PRKG1: variants seen among roughly 807,000 people sequenced by gnomAD.
PRKG1 encodes cGMP-dependent protein kinase 1.
Under a neutral mutation model 88.1 loss-of-function variants are expected in PRKG1, and 35 were observed. The ratio of observed to expected loss-of-function variants is 0.40; its 90% confidence interval spans 0.30 to 0.53. The LOEUF (loss-of-function observed/expected upper bound fraction) is 0.53. Ranked by LOEUF, PRKG1 falls within the 20% of genes least tolerant of loss-of-function variation. The pLI, the probability that PRKG1 is intolerant of heterozygous loss-of-function variation, is 0.59. For missense variants in PRKG1, 540 were observed against 839.8 expected (o/e 0.64, Z 4.41); for synonymous variants, 303 against 292.5 (o/e 1.04, Z -0.37).
chr10:51,962,727 A>C lies in PRKG1; in HGVS notation c.762+55157A>C, dbSNP rs138655816. Among the ~76,000 whole-genome samples, 53 of 152,318 alleles carry C rather than the reference A, an allele frequency of 3.5e-4. No individual in the cohort carries two copies. The East Asian group carries it at 9.7e-3, about 28-fold the overall frequency. On this transcript the variant is annotated intron_variant, in intron 5 of 17. Transcript: ENST00000373980. ...ACTGTAAAACAAAGTGCACAGGGGA[A>C]TGTGGTCTAGGCACATGTAGCTCCT...
chr10:51,105,854 A>G (rs891772938), intron 1 of PRKG1, among the ~76,000 whole-genome samples: 1 of 152,010 alleles, frequency 6.6e-6, no homozygotes, highest in African/African-American at 2.4e-5. Context: ...TGGATATTCA[A>G]GGTTTAGTGC....
intron 1 of PRKG1, among the ~76,000 whole-genome samples, chr10:51,132,524 A>T (rs1429646360): frequency 6.6e-6 from 1 of 151,738 alleles, no homozygotes. Context: ...TTTATTATTA[A>T]AATGTAGGTT....
intron 5 of PRKG1, among the ~76,000 whole-genome samples, chr10:52,028,117 G>A (rs540196057): frequency 6.6e-6 from 1 of 151,984 alleles, no homozygotes; most frequent in East Asian, 1.9e-4. Context: ...GAAAAATGTA[G>A]CCACATAGTT....
intron 9 of PRKG1, among the ~76,000 whole-genome samples, chr10:52,179,266 G>A (rs1371046716): frequency 6.6e-6 from 1 of 151,768 alleles, no homozygotes; most frequent in African/African-American, 2.4e-5. Flanking sequence ...TTCTTCTAAG[G>A]CCAGTCTACT....
intron 2 of PRKG1, among the ~76,000 whole-genome samples, chr10:51,340,904 G>T (rs983060956): frequency 6.6e-6 from 1 of 152,124 alleles, no homozygotes; most frequent in Non-Finnish European, 1.5e-5. Context: ...AAAAACCAAA[G>T]TTCTCAGTAA....
chr10:51,105,489 G>A (rs1844810524), intron 1 of PRKG1, among the ~76,000 whole-genome samples: 1 of 152,152 alleles, frequency 6.6e-6, no homozygotes, highest in Non-Finnish European at 1.5e-5. Flanking sequence ...AGTGCACGAA[G>A]GGAGAAAAGA....
chr10:51,221,472 A>G (rs1249790028), intron 2 of PRKG1, among the ~76,000 whole-genome samples: 9 of 152,192 alleles, frequency 5.9e-5, no homozygotes. Flanking sequence ...TTATAAAAAT[A>G]GCACTATTTT....
intron 5 of PRKG1, among the ~76,000 whole-genome samples, chr10:51,967,225 G>A (rs1342611908): frequency 1.3e-5 from 2 of 152,158 alleles, no homozygotes; most frequent in Admixed American, 6.5e-5. Flanking sequence ...GGAATACTAT[G>A]CAGCCATAAA....
In PRKG1 at chr10:52,193,548, C is replaced by CAAA. The variant is rs34730000; in HGVS notation, c.1076+31597_1076+31599dup. Among the ~76,000 whole-genome samples the CAAA allele has an allele frequency of 3.9e-3, 167 of 42,804 alleles. 6 individuals carry two copies. Among genetic ancestry groups the CAAA allele is most frequent in the African/African-American group, 0.011 (151 of 13,522 alleles). The allele number at this position is 42,804 out of a possible 152,430, so 28.1% of individuals were successfully genotyped here. A position where few individuals can be genotyped will look rare whatever the true frequency, so the allele number is the denominator to read the frequency against. On this transcript the variant is annotated intron_variant, in intron 9 of 17. Transcript: ENST00000373980. ...GAACAAAAAGAGTGAGACTCTGTCT[C>CAAA]AAAAAAAAAAAAAACAAAAAAAAAA...
At chr10:51,690,764 AAAAAT>A (rs575208430) in intron 3 of PRKG1, among the ~76,000 whole-genome samples, 7 of 151,836 alleles carry the variant, frequency 4.6e-5, no homozygotes, top group Non-Finnish European at 1.0e-4. Context: ...CGTCTCTACT[AAAAAT>A]ACAAAAATTA....
chr10:51,099,122 T>G (rs1356376885), intron 1 of PRKG1, among the ~76,000 whole-genome samples: 1 of 152,138 alleles, frequency 6.6e-6, no homozygotes, highest in African/African-American at 2.4e-5. Context: ...TTCTTGCATG[T>G]GAACCCTTGT....
intron 4 of PRKG1, among the ~76,000 whole-genome samples, chr10:51,877,892 A>G (rs769529203): frequency 6.6e-5 from 10 of 152,178 alleles, no homozygotes; most frequent in Non-Finnish European, 1.3e-4. Flanking sequence ...GTGTCTCACA[A>G]TTAGGCCAAC....
At chr10:51,851,164 C>T (rs1286900473) in intron 4 of PRKG1, among the ~76,000 whole-genome samples, 1 of 152,006 alleles carries the variant, frequency 6.6e-6, no homozygotes, top group East Asian at 1.9e-4. Flanking sequence ...TAATATGCTA[C>T]CTTTTGAATA....
At chr10:51,290,367 A>T (rs1840552792) in intron 2 of PRKG1, among the ~76,000 whole-genome samples, 1 of 152,224 alleles carries the variant, frequency 6.6e-6, no homozygotes. Flanking sequence ...AACCAAGGAC[A>T]TGGCAAAAGC....
rs556861400 is a variant in PRKG1, at chr10:52,189,713, C to T, written c.1076+27750C>T. Among the ~76,000 whole-genome samples, 147 of 152,280 alleles carry T rather than the reference C, an allele frequency of 9.7e-4. 1 individual carries two copies. The highest frequency in any genetic ancestry group is 3.4e-3 in the African/African-American group (142 of 41,560). ...GGTTGGGGACTGCTGCCCTAGACCC[C>T]TCATGCTCTGGTGGATTTATTTCCA... On this transcript the variant is annotated intron_variant, in intron 9 of 17. Transcript: ENST00000373980.
At chr10:51,975,665 G>A (rs1251805257) in intron 5 of PRKG1, among the ~76,000 whole-genome samples, 1 of 152,036 alleles carries the variant, frequency 6.6e-6, no homozygotes, top group Non-Finnish European at 1.5e-5. Context: ...ACCTGAGTCA[G>A]GTTGATAGTA....
chr10:52,157,306 G>GATATATATATATATATATATAT (rs142784154), intron 8 of PRKG1, among the ~76,000 whole-genome samples: 3 of 125,912 alleles, frequency 2.4e-5, no homozygotes, highest in African/African-American at 8.6e-5. Context: ...TGAGTTAGTT[G>GATATATATATATATATATATAT]ATATATATAT....
chr10:51,123,924 G>T (rs1482506965), intron 1 of PRKG1, among the ~76,000 whole-genome samples: 1 of 151,946 alleles, frequency 6.6e-6, no homozygotes, highest in African/African-American at 2.4e-5. Flanking sequence ...CTTTTAACGG[G>T]CCAGACCTCA....
intron 12 of PRKG1, among the ~76,000 whole-genome samples, chr10:52,280,492 G>T (rs1333989187): frequency 6.6e-6 from 1 of 151,988 alleles, no homozygotes; most frequent in African/African-American, 2.4e-5. Context: ...GATTGTAGTG[G>T]GCTGTTGAGA....
Sources: allele counts gnomAD v4.1 joint callset (sites outside exome capture counted in the v4.1 genomes callset), GRCh38; gene constraint gnomAD v4.1.1; transcripts MANE v1.5; gene names NCBI Gene and HGNC (gene_info 2026-07-23, HGNC 2026-07-21).